Variants in PCYOX1L observed in about 807,000 individuals in gnomAD.
The protein encoded by PCYOX1L is prenylcysteine oxidase 1-like.
In PCYOX1L, 40 loss-of-function variants were observed where a neutral mutation model predicts 44.1. That is an observed-to-expected ratio of 0.91 (90% CI 0.70 to 1.18). The LOEUF (loss-of-function observed/expected upper bound fraction) is 1.18, where lower values mean the gene tolerates loss of function less well. Ranked by LOEUF, PCYOX1L falls within the 50% of genes most tolerant of loss-of-function variation. The pLI is 0.00. For synonymous variants in PCYOX1L, 266 were observed against 282.8 expected (o/e 0.94, Z 0.60); for missense variants, 605 against 653.3 (o/e 0.93, Z 0.81).
chr5:149,364,311 T>C lies in PCYOX1L; in HGVS notation c.470+101T>C, dbSNP rs557531800. On this transcript the variant is annotated intron_variant, in intron 3 of 5. Transcript: ENST00000274569. ...ACTTTGTGAAAAAGGAAAAGGTCCT[T>C]GCTGAATTGAGCCAGCACAATTCAG... 9.3e-5 allele frequency: 132 copies of C among 1,423,596 alleles called. 1 individual carries two copies. The African/African-American group carries it at 1.6e-3, about 17-fold the overall frequency. The allele number at this position is 1,423,596 out of a possible 1,614,324, so 88.2% of individuals were successfully genotyped here.
chr5:149,358,932 T>C (rs902168822), intron 1 of PCYOX1L, among the ~76,000 whole-genome samples: 1 of 152,258 alleles, frequency 6.6e-6, no homozygotes, highest in East Asian at 1.9e-4. Context: ...TATCACGCAC[T>C]GTTCTAGACA....
Position 149,367,650 on chromosome 5 carries a change from A to T in PCYOX1L, c.823+150A>T, listed in dbSNP as rs542860895. 63 of 1,154,096 alleles carry T rather than the reference A, an allele frequency of 5.5e-5. 1 individual carries two copies. In the South Asian group the frequency reaches 9.9e-4, roughly 18 times the overall value. 71.5% of individuals were successfully genotyped at this position (1,154,096 alleles called of 1,614,324 possible). On this transcript the variant is annotated intron_variant, in intron 5 of 5. Coordinates refer to ENST00000274569, the MANE Select transcript of PCYOX1L (RefSeq NM_024028.4). ...AGAAGCCCCAACCCTGCCAGGTGAC[A>T]CTAGAGGGTGCTGTTTCCCCAATTC...
At chr5:149,363,275 G>A (rs1401417155) in intron 2 of PCYOX1L, 1 of 354,754 alleles carries the variant, frequency 2.8e-6, no homozygotes, top group Non-Finnish European at 5.6e-6. Context: ...TACAGCGAGA[G>A]GTGGGATTCA....
rs1463144175 is a variant in PCYOX1L at position 149,369,630 on chromosome 5, G to T, written c.*976G>T. On this transcript the variant is annotated 3_prime_UTR_variant, in exon 6 of 6. Coordinates refer to ENST00000274569, the MANE Select transcript of PCYOX1L (RefSeq NM_024028.4). ...CCTTAAAAATCACTTGTTTTAAAAAGAAAGTAAAAGCCCTTTTCATTCCTT... is the reference window on the plus strand; with the variant it reads ...CCTTAAAAATCACTTGTTTTAAAAATAAAGTAAAAGCCCTTTTCATTCCTT... 6.6e-6 allele frequency: 1 copy of T among 152,170 alleles called. No homozygotes were observed. The highest frequency in any genetic ancestry group is 1.5e-5 in the Non-Finnish European group (1 of 68,026). 9.4% of individuals were successfully genotyped at this position (152,170 alleles called of 1,614,324 possible). A position where few individuals can be genotyped will look rare whatever the true frequency, so the allele number is the denominator to read the frequency against.
chr5:149,367,888 A>C, intron 5 of PCYOX1L, 105 bp from the exon 6 acceptor site: 1 of 1,238,374 alleles, frequency 8.1e-7, no homozygotes. Flanking sequence ...GCCCTGCTGC[A>C]CCCTGAGCAC....
chr5:149,361,479 A>G (rs1397907241), intron 1 of PCYOX1L, among the ~76,000 whole-genome samples: 1 of 152,220 alleles, frequency 6.6e-6, no homozygotes, highest in Non-Finnish European at 1.5e-5. Flanking sequence ...TAGTGATGGC[A>G]TGTAAACCAA....
intron 4 of PCYOX1L, 48 bp downstream of exon 4, chr5:149,366,201 G>A (rs1758200890): frequency 3.2e-6 from 5 of 1,587,126 alleles, no homozygotes; most frequent in Non-Finnish European, 4.3e-6. Flanking sequence ...CTCCACCCAA[G>A]GTGCTCAGAA....
At position 149,362,733 on chromosome 5, in the gene PCYOX1L, C is replaced by T. The variant is rs1183877302; in HGVS notation, c.185C>T (p.Thr62Ile). Residue 62 changes from threonine to isoleucine, a missense_variant, in exon 2 of 6, where the codon ACC becomes ATC. Physicochemically the swap from Thr to Ile is moderately conservative, Grantham distance 89. Transcript: ENST00000274569. Reference sequence around the variant, plus strand: ...CAGATCGACGTGTACGAGAAGGGAACCGTGGGTGGCCGCTTGGCCACCATC... The same window carrying T: ...CAGATCGACGTGTACGAGAAGGGAATCGTGGGTGGCCGCTTGGCCACCATC... ...RVQIDVYEKG[T>I]VGGRLATISV... is the part of the protein sequence containing the mutation. 5 of 1,614,058 alleles carry T rather than the reference C, an allele frequency of 3.1e-6. No individual in the cohort carries two copies. Among genetic ancestry groups the T allele is most frequent in the South Asian group, 2.2e-5 (2 of 91,094 alleles).
intron 3 of PCYOX1L, chr5:149,365,703 C>T (rs1758173566): frequency 8.8e-6 from 5 of 570,630 alleles, no homozygotes; most frequent in Non-Finnish European, 1.6e-5. Flanking sequence ...TTACTCAGCA[C>T]AGCCGTGATG....
chr5:149,368,212 T>A lies in PCYOX1L; in HGVS notation c.1043T>A (p.Phe348Tyr). ...TACCTCAACTCGTCCTACTTCGGTTTCCCAGACCCTAAGCTTTTCCCCTTT... is the reference window on the plus strand; with the variant it reads ...TACCTCAACTCGTCCTACTTCGGTTACCCAGACCCTAAGCTTTTCCCCTTT... Reference protein sequence around the residue: ...HGYLNSSYFGFPDPKLFPFAN... With the variant: ...HGYLNSSYFGYPDPKLFPFAN... Residue 348 changes from phenylalanine (F) to tyrosine (Y), a missense_variant, in exon 6 of 6, where the codon TTC becomes TAC. Phe to Tyr is a conservative substitution (Grantham distance 22, BLOSUM62 3). Transcript: ENST00000274569. 2 of 1,614,162 alleles carry A rather than the reference T, an allele frequency of 1.2e-6. No individual in the cohort carries two copies. Among genetic ancestry groups the A allele is most frequent in the Non-Finnish European group, 1.7e-6 (2 of 1,180,036 alleles).
chr5:149,362,789 G>T lies in PCYOX1L; in HGVS notation c.241G>T (p.Ala81Ser). The change falls in exon 2 of 6, where the codon GCT becomes TCT. Residue 81 changes from alanine to serine, a missense_variant. Physicochemically the swap from Ala to Ser is moderately conservative, Grantham distance 99 (BLOSUM62 1). Transcript: ENST00000274569. ...CAACAAGCAGCACTATGAGAGCGGG[G>T]CTGCCTCCTTCCACTCCCTGAGCCT... ...SVNKQHYESG[A>S]ASFHSLSLHM... 6.2e-7 allele frequency: 1 copy of T among 1,614,116 alleles called. No homozygotes were observed. Among genetic ancestry groups the T allele is most frequent in the Non-Finnish European group, 8.5e-7 (1 of 1,180,044 alleles).
At position 149,368,078 on chromosome 5, in the gene PCYOX1L, C is replaced by T. The variant is rs142131221; in HGVS notation, c.909C>T (p.Pro303=). 4.4e-6 allele frequency: 7 copies of T among 1,608,290 alleles called. 1 individual carries two copies. The highest frequency in any genetic ancestry group is 2.7e-5 in the African/African-American group (2 of 74,826). ...DFYDIVVIAT[P]LHLDNSSSNL... ...ATGACATCGTGGTCATCGCCACCCC[C>T]CTGCACCTGGACAACAGCAGCAGCA... The change falls in exon 6 of 6, where the codon CCC becomes CCT. Residue 303 remains proline (P), a synonymous_variant. Transcript: ENST00000274569.
Position 149,358,097 on chromosome 5 carries a change from C to T in PCYOX1L, c.29C>T (p.Ala10Val). 3 of 1,448,226 alleles carry T rather than the reference C, an allele frequency of 2.1e-6. No homozygotes were observed. The highest frequency in any genetic ancestry group is 2.7e-6 in the Non-Finnish European group (3 of 1,103,028). The allele number at this position is 1,448,226 out of a possible 1,614,324, so 89.7% of individuals were successfully genotyped here. Reference protein sequence around the residue: MARAAPLLAALTALLAAAAA... With the variant: MARAAPLLAVLTALLAAAAA... ...GCCCGCGCAGCCCCGCTGCTCGCCG[C>T]GTTGACCGCGCTCCTCGCCGCCGCC... The change falls in exon 1 of 6, where the codon GCG (alanine) becomes GTG (valine). Residue 10 changes from alanine (A) to valine (V), a missense_variant. By Grantham distance (64) the Ala-to-Val change is moderately conservative. Coordinates refer to ENST00000274569, the MANE Select transcript of PCYOX1L (RefSeq NM_024028.4).
chr5:149,363,307 TA>T (rs1758074769), intron 2 of PCYOX1L: 3 of 344,010 alleles, frequency 8.7e-6, no homozygotes, highest in Non-Finnish European at 1.7e-5. Flanking sequence ...ATCTGTCCAA[TA>T]CACGTTCTGT....
At chr5:149,367,884 C>A in intron 5 of PCYOX1L, 109 bp from the exon 6 acceptor site, 1 of 1,205,198 alleles carries the variant, frequency 8.3e-7, no homozygotes, top group African/African-American at 1.5e-5. Context: ...GACAGCCCTG[C>A]TGCACCCTGA....
At position 149,368,455 on chromosome 5, in the gene PCYOX1L, G is replaced by A; in HGVS notation, c.1286G>A (p.Gly429Asp). ...GAGTGGCAGGCCCATCCCCTCTATG[G>A]CTCCCGCCCCACGCTCCCGAGGTTT... The part of the protein sequence containing the change: ...TAEWQAHPLY[G>D]SRPTLPRFAL... The change falls in exon 6 of 6, where the codon GGC becomes GAC. Residue 429 changes from glycine to aspartate, a missense_variant. Transcript: ENST00000274569. 1 of 1,613,706 alleles carries A rather than the reference G, an allele frequency of 6.2e-7. No individual in the cohort carries two copies. The highest frequency in any genetic ancestry group is 8.5e-7 in the Non-Finnish European group (1 of 1,179,784).
chr5:149,368,120 C>T lies in PCYOX1L; in HGVS notation c.951C>T (p.Gly317=). The T allele has an allele frequency of 6.2e-7, 1 of 1,613,160 alleles. No individual in the cohort carries two copies. The highest frequency in any genetic ancestry group is 1.1e-5 in the South Asian group (1 of 90,918). The change falls in exon 6 of 6, where the codon GGC becomes GGT. Residue 317 remains glycine, a synonymous_variant. Coordinates refer to ENST00000274569, the MANE Select transcript of PCYOX1L (RefSeq NM_024028.4). The stretch of plus-strand genomic sequence containing the variant: ...GCAGCAGCAACTTAACCTTTGCAGG[C>T]TTCCACCCGCCCATTGATGACGTGC... ...DNSSSNLTFA[G]FHPPIDDVQG... is the part of the protein sequence containing the mutation.
intron 3 of PCYOX1L, 33 bp downstream of exon 3, chr5:149,364,243 CAGGGGAA>C: frequency 6.2e-7 from 1 of 1,610,882 alleles, no homozygotes; most frequent in African/African-American, 1.3e-5. Context: ...GATGGCGTTC[CAGGGGAA>C]CCGAGAAGAG....
In PCYOX1L at chr5:149,368,204, C is replaced by G. The variant is rs778043404; in HGVS notation, c.1035C>G (p.Tyr345Ter). ...SLVHGYLNSSYFGFPDPKLFP... is the reference protein window; with the variant it reads ...SLVHGYLNSS Reference sequence around the variant, plus strand: ...TCCACGGCTACCTCAACTCGTCCTACTTCGGTTTCCCAGACCCTAAGCTTT... The same window carrying G: ...TCCACGGCTACCTCAACTCGTCCTAGTTCGGTTTCCCAGACCCTAAGCTTT... Residue 345 changes from tyrosine to a stop codon, truncating the protein, a stop_gained, in exon 6 of 6, where the codon TAC becomes TAG. Coordinates refer to ENST00000274569, the MANE Select transcript of PCYOX1L (RefSeq NM_024028.4). LOFTEE classifies it high-confidence loss of function. 1 of 1,614,188 alleles carries G rather than the reference C, an allele frequency of 6.2e-7. No homozygotes were observed. The highest frequency in any genetic ancestry group is 8.5e-7 in the Non-Finnish European group (1 of 1,180,040).
Sources: gnomAD v4.1 joint callset for allele counts (sites outside exome capture counted in the v4.1 genomes callset) on GRCh38, gnomAD v4.1.1 for gene constraint, MANE v1.5 for transcripts, NCBI Gene and HGNC (gene_info 2026-07-23, HGNC 2026-07-21) for gene names.